The following CNBD1 variants were observed in gnomAD, a reference collection of about 807,000 sequenced individuals.
CNBD1 encodes the protein cyclic nucleotide-binding domain-containing protein 1.
In CNBD1, 71 loss-of-function variants were observed where a neutral mutation model predicts 54.4. The observed-to-expected ratio is 1.30, with a 90% CI of 1.08 to 1.59. The LOEUF (loss-of-function observed/expected upper bound fraction) is 1.59. Ranked by LOEUF, CNBD1 falls within the 40% of genes most tolerant of loss-of-function variation. CNBD1 has a pLI of 0.00. For missense variants in CNBD1, 659 were observed against 518.0 expected (o/e 1.27, Z -2.64); for synonymous variants, 182 against 170.7 (o/e 1.07, Z -0.51).
chr8:86,947,359 T>C (rs1280244922), intron 4 of CNBD1, among the ~76,000 whole-genome samples: 1 of 152,112 alleles, frequency 6.6e-6, no homozygotes, highest in Non-Finnish European at 1.5e-5. Context: ...AATGTGTGTG[T>C]GACTCTACCT....
intron 4 of CNBD1, among the ~76,000 whole-genome samples, chr8:87,140,851 T>C (rs1451374099): frequency 1.3e-5 from 2 of 152,140 alleles, no homozygotes; most frequent in Non-Finnish European, 2.9e-5. Flanking sequence ...GTATGTGTGG[T>C]GTCATTACCA....
intron 6 of CNBD1, among the ~76,000 whole-genome samples, chr8:87,266,421 T>TAAA (rs541109611): frequency 2.7e-5 from 2 of 72,834 alleles, no homozygotes; most frequent in African/African-American, 5.6e-5. Flanking sequence ...GAGGTCCAAG[T>TAAA]AAAAAAAAAA....
intron 6 of CNBD1, among the ~76,000 whole-genome samples, chr8:87,277,528 T>C (rs553400777): frequency 2.0e-5 from 3 of 151,862 alleles, no homozygotes; most frequent in South Asian, 2.1e-4. Context: ...GAGTAATATG[T>C]AGCTACAAAT....
At chr8:86,905,246 T>C in intron 3 of CNBD1, 52 bp downstream of exon 3, 2 of 1,026,974 alleles carry the variant, frequency 1.9e-6, no homozygotes, top group East Asian at 2.4e-5. Context: ...ATGAGTGTGC[T>C]TGTGCTCACA....
intron 4 of CNBD1, among the ~76,000 whole-genome samples, chr8:87,019,515 G>C (rs1164139373): frequency 6.6e-6 from 1 of 152,072 alleles, no homozygotes; most frequent in Non-Finnish European, 1.5e-5. Context: ...CAAGAACCAG[G>C]CATTTCTTGC....
At chr8:87,318,794 C>T (rs1809455959) in intron 8 of CNBD1, among the ~76,000 whole-genome samples, 1 of 152,006 alleles carries the variant, frequency 6.6e-6, no homozygotes, top group South Asian at 2.1e-4. Context: ...CAGGCAGACC[C>T]TCAGTCAGAT....
intron 4 of CNBD1, among the ~76,000 whole-genome samples, chr8:87,173,620 C>A (rs1454405799): frequency 6.6e-6 from 1 of 150,954 alleles, no homozygotes; most frequent in Non-Finnish European, 1.5e-5. Context: ...AAGGTTTCCA[C>A]TGAAATGTCT....
At chr8:87,076,670 CT>C (rs1435530462) in intron 4 of CNBD1, among the ~76,000 whole-genome samples, 1 of 152,096 alleles carries the variant, frequency 6.6e-6, no homozygotes, top group Non-Finnish European at 1.5e-5. Context: ...TCTCGATCTC[CT>C]GACCTTGTGA....
chr8:87,060,821 G>A (rs1305336161), intron 4 of CNBD1, among the ~76,000 whole-genome samples: 1 of 152,076 alleles, frequency 6.6e-6, no homozygotes, highest in African/African-American at 2.4e-5. Context: ...AATCCAATCT[G>A]TAAATTAAAG....
chr8:87,141,673 T>C (rs568833123), intron 4 of CNBD1, among the ~76,000 whole-genome samples: 48 of 152,208 alleles, frequency 3.2e-4, no homozygotes, highest in African/African-American at 1.1e-3. Context: ...TATAAAAGAT[T>C]TGTAATAATA....
intron 3 of CNBD1, 91 bp from the exon 4 acceptor site, chr8:86,939,505 T>C: frequency 1.2e-6 from 1 of 828,304 alleles, no homozygotes. Flanking sequence ...CTCAAAACAG[T>C]GCATTTATAC....
chr8:87,218,094 T>G (rs759628998), intron 5 of CNBD1, among the ~76,000 whole-genome samples: 2 of 152,102 alleles, frequency 1.3e-5, no homozygotes, highest in African/African-American at 4.8e-5. Flanking sequence ...CATAATACTT[T>G]CTTCAGGCAT....
At chr8:87,380,852 T>C (rs1016184223) in intron 10 of CNBD1, among the ~76,000 whole-genome samples, 2 of 152,046 alleles carry the variant, frequency 1.3e-5, no homozygotes, top group African/African-American at 4.8e-5. Context: ...CATTCAAGAA[T>C]AAAATTGGAC....
At chr8:87,247,618 G>T (rs1272950852) in intron 6 of CNBD1, among the ~76,000 whole-genome samples, 4 of 136,432 alleles carry the variant, frequency 2.9e-5, no homozygotes, top group Admixed American at 2.8e-4. Flanking sequence ...GCTGCCAGGG[G>T]TGATTTTTTT....
At chr8:87,296,021 G>A (rs898983589) in intron 8 of CNBD1, among the ~76,000 whole-genome samples, 3 of 151,976 alleles carry the variant, frequency 2.0e-5, no homozygotes, top group Non-Finnish European at 4.4e-5. Context: ...AATGATTATT[G>A]CTGCTTGGTG....
intron 4 of CNBD1, among the ~76,000 whole-genome samples, chr8:87,127,812 G>A (rs924542344): frequency 6.6e-6 from 1 of 152,066 alleles, no homozygotes; most frequent in Admixed American, 6.6e-5. Flanking sequence ...ATACTGGGTA[G>A]AAGAGGATGG....
At chr8:87,290,131 G>A (rs1005917788) in intron 8 of CNBD1, among the ~76,000 whole-genome samples, 14 of 151,792 alleles carry the variant, frequency 9.2e-5, no homozygotes, top group Admixed American at 2.0e-4. Context: ...GACTCATGTA[G>A]CTCTATTTCC....
At chr8:87,072,963 T>C (rs562812392) in intron 4 of CNBD1, among the ~76,000 whole-genome samples, 15 of 152,238 alleles carry the variant, frequency 9.9e-5, no homozygotes, top group Admixed American at 9.8e-4. Flanking sequence ...ATAGGTTTGG[T>C]GTCTTTACAT....
chr8:87,250,449 T>C (rs1173057693), intron 6 of CNBD1, among the ~76,000 whole-genome samples: 1 of 152,184 alleles, frequency 6.6e-6, no homozygotes, highest in African/African-American at 2.4e-5. Context: ...AACTACCATG[T>C]GATCCAGAAA....
Sources: gnomAD v4.1 joint callset for allele counts (sites outside exome capture counted in the v4.1 genomes callset) on GRCh38, gnomAD v4.1.1 for gene constraint, MANE v1.5 for transcripts, NCBI Gene and HGNC (gene_info 2026-07-23, HGNC 2026-07-21) for gene names.